The following TRPM8 variants were observed in gnomAD, a reference collection of about 807,000 sequenced individuals.
TRPM8 encodes TRPM8 cationic channel.
Under a neutral mutation model 133.7 loss-of-function variants are expected in TRPM8, and 110 were observed. The observed-to-expected ratio is 0.82, with a 90% CI of 0.70 to 0.96. The LOEUF is 0.96. Among genes scored for constraint, TRPM8 ranks in the 40% least tolerant of loss-of-function variants. The probability of loss-of-function intolerance (pLI) is 0.00; values close to 1 mark genes in which losing one functional copy is unlikely to be tolerated. For missense variants in TRPM8, 1,291 were observed against 1,379.5 expected (o/e 0.94, Z 1.02); for synonymous variants, 535 against 532.3 (o/e 1.01, Z -0.07).
At chr2:233,921,677 C>CTTTTTTTTTTTTTTTTTTTTTTCT (rs11373529) in intron 1 of TRPM8, among the ~76,000 whole-genome samples, 2 of 106,660 alleles carry the variant, frequency 1.9e-5, no homozygotes, top group East Asian at 2.6e-4. Context: ...CTTTTCTTTT[C>CTTTTTTTTTTTTTTTTTTTTTTCT]TTTTTTTTTT....
At chr2:233,982,395 A>G (rs772666721) in intron 19 of TRPM8, among the ~76,000 whole-genome samples, 17 of 152,228 alleles carry the variant, frequency 1.1e-4, no homozygotes, top group Non-Finnish European at 1.8e-4. Context: ...AATAGAAAGA[A>G]TTACACATGG....
At chr2:233,976,114 C>A (rs1030419603) in intron 17 of TRPM8, among the ~76,000 whole-genome samples, 3 of 152,158 alleles carry the variant, frequency 2.0e-5, no homozygotes, top group Non-Finnish European at 4.4e-5. Flanking sequence ...CTGTTCTAGA[C>A]AGCAATGGAC....
chr2:234,010,807 T>C (rs1692819642), intron 24 of TRPM8, among the ~76,000 whole-genome samples: 1 of 152,226 alleles, frequency 6.6e-6, no homozygotes, highest in Non-Finnish European at 1.5e-5. Context: ...TTTTACCCAC[T>C]TTTTAATCAG....
At chr2:233,953,009 A>G (rs148489862) in intron 9 of TRPM8, among the ~76,000 whole-genome samples, 3 of 152,178 alleles carry the variant, frequency 2.0e-5, no homozygotes, top group East Asian at 3.9e-4. Flanking sequence ...CCTTCATGCT[A>G]TCATCCCCAC....
At chr2:233,995,406 A>T (rs988976553) in intron 21 of TRPM8, among the ~76,000 whole-genome samples, 4 of 152,340 alleles carry the variant, frequency 2.6e-5, no homozygotes, top group African/African-American at 9.6e-5. Flanking sequence ...GAACATTTTA[A>T]TCATTATGGA....
intron 11 of TRPM8, among the ~76,000 whole-genome samples, chr2:233,956,942 C>G (rs1691308471): frequency 6.6e-6 from 1 of 152,136 alleles, no homozygotes; most frequent in South Asian, 2.1e-4. Flanking sequence ...TAAACTTAGG[C>G]ACATCGTGAA....
At position 233,996,440 on chromosome 2, in the gene TRPM8, C is replaced by T. The variant is rs138108187; in HGVS notation, c.3054C>T (p.Phe1018=). Residue 1018 remains phenylalanine, a synonymous_variant, in exon 22 of 26, where the codon TTC becomes TTT. Coordinates refer to ENST00000324695, the MANE Select transcript of TRPM8 (RefSeq NM_024080.5). ...ATATCCCCTTCCCCTTCATCGTCTT[C>T]GCTTACTTCTACATGGTGGTGAAGA... ...RLNIPFPFIV[F]AYFYMVVKKC... The T allele has an allele frequency of 3.3e-5, 53 of 1,614,132 alleles. No individual in the cohort carries two copies. Among genetic ancestry groups the T allele is most frequent in the South Asian group, 2.9e-4 (26 of 91,086 alleles).
intron 14 of TRPM8, 26 bp downstream of exon 14, chr2:233,964,783 G>A: frequency 6.3e-7 from 1 of 1,585,764 alleles, no homozygotes; most frequent in South Asian, 1.1e-5. Context: ...GGAATGCTGT[G>A]GTGGGCGCGG....
chr2:233,959,409 C>T (rs1219397677), intron 11 of TRPM8, among the ~76,000 whole-genome samples: 1 of 147,922 alleles, frequency 6.8e-6, no homozygotes, highest in Non-Finnish European at 1.5e-5. Flanking sequence ...TCACTGCAAC[C>T]TCTGCCTCCC....
intron 21 of TRPM8, among the ~76,000 whole-genome samples, chr2:233,994,677 G>A (rs28902227): frequency 5.3e-5 from 8 of 152,212 alleles, no homozygotes; most frequent in Admixed American, 3.3e-4. Flanking sequence ...AGTGTTTTGC[G>A]TAGGTATCCG....
chr2:233,947,231 C>T (rs1226781603), intron 8 of TRPM8, 76 bp downstream of exon 8: 1 of 1,589,694 alleles, frequency 6.3e-7, no homozygotes, highest in Non-Finnish European at 8.6e-7. Flanking sequence ...AGGATTTGGG[C>T]TCATCTAATC....
chr2:233,952,631 G>T (rs1691196293), intron 9 of TRPM8, among the ~76,000 whole-genome samples: 1 of 151,870 alleles, frequency 6.6e-6, no homozygotes, highest in African/African-American at 2.4e-5. Context: ...TCTTGTTCAA[G>T]TGTAATGGGA....
chr2:234,001,283 T>G (rs1434982272), intron 22 of TRPM8, among the ~76,000 whole-genome samples: 1 of 152,134 alleles, frequency 6.6e-6, no homozygotes, highest in East Asian at 1.9e-4. Flanking sequence ...AGAGAGACCT[T>G]CCTGATTGTG....
At chr2:234,011,461 A>G (rs910824615) in intron 24 of TRPM8, among the ~76,000 whole-genome samples, 5 of 152,032 alleles carry the variant, frequency 3.3e-5, no homozygotes, top group Non-Finnish European at 7.4e-5. Flanking sequence ...GTGGTTTTAT[A>G]TAATTTTAGG....
chr2:233,997,172 G>T (rs1692428043), intron 22 of TRPM8, among the ~76,000 whole-genome samples: 1 of 152,162 alleles, frequency 6.6e-6, no homozygotes, highest in African/African-American at 2.4e-5. Context: ...TACTCGGGAG[G>T]CTGAGGCAGG....
At chr2:233,930,196 G>T (rs909793563) in intron 2 of TRPM8, among the ~76,000 whole-genome samples, 1 of 152,072 alleles carries the variant, frequency 6.6e-6, no homozygotes, top group African/African-American at 2.4e-5. Flanking sequence ...AAGGCTTTTG[G>T]TTTTTTGTCA....
chr2:233,993,909 G>C (rs768947063), intron 21 of TRPM8, among the ~76,000 whole-genome samples: 2 of 152,104 alleles, frequency 1.3e-5, no homozygotes, highest in African/African-American at 2.4e-5. Flanking sequence ...TGGTGTTAGA[G>C]TTTTGGGAAG....
Position 233,942,714 on chromosome 2 carries a change from A to G in TRPM8, c.665A>G (p.Asn222Ser), listed in dbSNP as rs1238702642. 6.2e-7 allele frequency: 1 copy of G among 1,614,190 alleles called. No individual in the cohort carries two copies. The highest frequency in any genetic ancestry group is 8.5e-7 in the Non-Finnish European group (1 of 1,180,034). Reference sequence around the variant, plus strand: ...ATAGCAGCTTGGGGCATGGTCTCCAACCGGGACACCCTCATCAGGAATTGC... The same window carrying G: ...ATAGCAGCTTGGGGCATGGTCTCCAGCCGGGACACCCTCATCAGGAATTGC... ...IGIAAWGMVS[N>S]RDTLIRNCDA... is the part of the protein sequence containing the mutation. Residue 222 changes from asparagine to serine, a missense_variant, in exon 6 of 26, where the codon AAC becomes AGC. Asn to Ser is a conservative substitution (Grantham distance 46, BLOSUM62 1). This residue lies in a region of TRPM8 where 963 missense variants were observed against 968.9 expected (regional missense o/e 0.99). Coordinates refer to ENST00000324695, the MANE Select transcript of TRPM8 (RefSeq NM_024080.5).
At position 233,964,843 on chromosome 2, in the gene TRPM8, T is replaced by C; in HGVS notation, c.1879+86T>C. 4 of 1,394,688 alleles carry C rather than the reference T, an allele frequency of 2.9e-6. No individual in the cohort carries two copies. The South Asian group carries it at 5.1e-5, about 18-fold the overall frequency. The allele number at this position is 1,394,688 out of a possible 1,614,324, so 86.4% of individuals were successfully genotyped here. On this transcript the variant is annotated intron_variant, in intron 14 of 25. Transcript: ENST00000324695. ...CCAGCGGCACTCATAGACCAGATGG[T>C]GGAGGTCCGTGGCATGTCCAAGCTC...
Sources: allele counts gnomAD v4.1 joint callset (sites outside exome capture counted in the v4.1 genomes callset), GRCh38; gene constraint gnomAD v4.1.1; regional missense constraint gnomAD v4.1.1; transcripts MANE v1.5; gene names NCBI Gene and HGNC (gene_info 2026-07-23, HGNC 2026-07-21).